CDKN2B-AS1: variants seen among roughly 807,000 people sequenced by gnomAD.
CDKN2B-AS1 encodes CDKN2B antisense RNA 1 (non-protein coding).
At chr9:22,033,511 A>G (rs1822562227) in intron 1 of CDKN2B-AS1, among the ~76,000 whole-genome samples, 1 of 152,200 alleles carries the variant, frequency 6.6e-6, no homozygotes, top group South Asian at 2.1e-4. Flanking sequence ...CTTACCCTGA[A>G]ACCTGCCACT....
intron 1 of CDKN2B-AS1, among the ~76,000 whole-genome samples, chr9:22,045,988 A>T (rs763795417): frequency 6.6e-6 from 1 of 152,132 alleles, no homozygotes. Flanking sequence ...ATAGGCAGAA[A>T]TTTTGTTTGC....
exon 5 of CDKN2B-AS1, among the ~76,000 whole-genome samples, chr9:22,127,645 G>T (rs1554682390): frequency 6.6e-6 from 1 of 152,138 alleles, no homozygotes; most frequent in Non-Finnish European, 1.5e-5. Flanking sequence ...TCTGGGCGGG[G>T]TAAAAGGAAG....
At chr9:22,127,786 AG>A (rs1481746160) in exon 5 of CDKN2B-AS1, among the ~76,000 whole-genome samples, 4 of 152,238 alleles carry the variant, frequency 2.6e-5, no homozygotes, top group African/African-American at 2.4e-5. Context: ...CTCTAATTGT[AG>A]AACTCACTTC....
intron 3 of CDKN2B-AS1, among the ~76,000 whole-genome samples, chr9:22,055,867 A>G (rs1490674399): frequency 6.6e-6 from 1 of 152,126 alleles, no homozygotes; most frequent in African/African-American, 2.4e-5. Flanking sequence ...CTATATTGGC[A>G]TATAGGGAGG....
intron 4 of CDKN2B-AS1, among the ~76,000 whole-genome samples, chr9:22,106,437 G>C (rs1409580979): frequency 6.6e-6 from 1 of 152,100 alleles, no homozygotes; most frequent in Non-Finnish European, 1.5e-5. Flanking sequence ...GGCTGGTCTG[G>C]AACTCCTGAC....
rs908307716 is a variant in CDKN2B-AS1 at position 22,112,066 on chromosome 9, T to C, written n.439-15037T>C. The C allele has an allele frequency of 5.9e-5, 9 of 152,128 alleles. No individual in the cohort carries two copies. In the South Asian group the frequency reaches 1.4e-3, roughly 25 times the overall value. The allele number at this position is 152,128 out of a possible 1,614,324, so 9.4% of individuals were successfully genotyped here. A position where few individuals can be genotyped will look rare whatever the true frequency, so the allele number is the denominator to read the frequency against. ...ATTTTCAAAGGAAAACAAAGTAAAA[T>C]TTTTCTCTTGTATGAGTCACATCTC... On this transcript the variant is annotated intron_variant and non_coding_transcript_variant, in intron 4 of 4. Transcript: ENST00000650946.
rs1378792488 is a variant in CDKN2B-AS1, at chr9:22,090,935, TC to T, written n.438+34549del. The stretch of plus-strand genomic sequence containing the variant: ...GTCCTGAATGGTATTGCCTAGGTTT[TC>T]TTCTAGGGTTTTTATGGTTTTAGGT... On this transcript the variant is annotated intron_variant and non_coding_transcript_variant, in intron 4 of 4. Transcript: ENST00000650946. 6.6e-5 allele frequency among the ~76,000 whole-genome samples: 10 copies of T among 152,260 alleles called. No homozygotes were observed. In the South Asian group the frequency reaches 1.9e-3, roughly 28 times the overall value.
Position 22,017,378 on chromosome 9 carries a change from A to G in CDKN2B-AS1, n.29+22217A>G, listed in dbSNP as rs964053857. Among the ~76,000 whole-genome samples the G allele has an allele frequency of 5.3e-5, 8 of 152,116 alleles. No individual in the cohort carries two copies. In the East Asian group the frequency reaches 1.5e-3, roughly 29 times the overall value. ...GGAAGTCTGCCTATATGGGTTATCT[A>G]CCTCTTTTTTAGGGCTCAACCTACC... On this transcript the variant is annotated intron_variant and non_coding_transcript_variant, in intron 1 of 4. Coordinates refer to ENST00000650946, the Ensembl canonical transcript of CDKN2B-AS1.
chr9:22,073,315 A>C (rs1028348375), intron 4 of CDKN2B-AS1, among the ~76,000 whole-genome samples: 3 of 152,194 alleles, frequency 2.0e-5, no homozygotes, highest in African/African-American at 4.8e-5. Flanking sequence ...CACGATTCAA[A>C]AAGATTATCT....
chr9:22,073,867 AT>A (rs567089131), intron 4 of CDKN2B-AS1, among the ~76,000 whole-genome samples: 669 of 144,776 alleles, frequency 4.6e-3, no homozygotes, highest in African/African-American at 8.2e-3. Flanking sequence ...TACCTAGATA[AT>A]TTTTTTTTTT....
chr9:22,111,652 T>A (rs1188147400), intron 4 of CDKN2B-AS1, among the ~76,000 whole-genome samples: 1 of 152,114 alleles, frequency 6.6e-6, no homozygotes, highest in Non-Finnish European at 1.5e-5. Flanking sequence ...TGAAATAGAT[T>A]TTTTTTCTCT....
intron 1 of CDKN2B-AS1, among the ~76,000 whole-genome samples, chr9:22,028,233 A>G (rs1304242851): frequency 6.6e-6 from 1 of 152,082 alleles, no homozygotes; most frequent in Non-Finnish European, 1.5e-5. Flanking sequence ...TATTTAAAAT[A>G]TTTTTTGTTA....
chr9:22,104,017 C>A (rs1297547994), intron 4 of CDKN2B-AS1, among the ~76,000 whole-genome samples: 2 of 152,160 alleles, frequency 1.3e-5, no homozygotes, highest in Non-Finnish European at 2.9e-5. Context: ...GTAGAATCTT[C>A]TCATCTTTCT....
At chr9:22,096,708 C>T (rs374454649) in intron 4 of CDKN2B-AS1, among the ~76,000 whole-genome samples, 1 of 152,174 alleles carries the variant, frequency 6.6e-6, no homozygotes, top group African/African-American at 2.4e-5. Flanking sequence ...ACTGGCATTC[C>T]ATCTCCAATC....
chr9:22,055,197 T>C (rs1487665118), intron 3 of CDKN2B-AS1, among the ~76,000 whole-genome samples: 1 of 152,254 alleles, frequency 6.6e-6, no homozygotes, highest in Non-Finnish European at 1.5e-5. Context: ...AATGTTTTGA[T>C]ATATGTATAC....
chr9:22,059,935 A>C (rs1160795763), intron 4 of CDKN2B-AS1, among the ~76,000 whole-genome samples: 1 of 152,228 alleles, frequency 6.6e-6, no homozygotes, highest in Non-Finnish European at 1.5e-5. Flanking sequence ...CAGCTGGAGC[A>C]GCTGGGACAC....
At chr9:22,071,000 G>T (rs1022318138) in intron 4 of CDKN2B-AS1, among the ~76,000 whole-genome samples, 2 of 152,054 alleles carry the variant, frequency 1.3e-5, no homozygotes, top group Non-Finnish European at 2.9e-5. Flanking sequence ...ACCAATGGGG[G>T]AAGATTAGGT....
chr9:22,094,929 C>T (rs978755212), intron 4 of CDKN2B-AS1, among the ~76,000 whole-genome samples: 1 of 144,178 alleles, frequency 6.9e-6, no homozygotes, highest in South Asian at 2.1e-4. Flanking sequence ...CTGTTTTTTC[C>T]CATCTTTGTG....
chr9:22,025,250 G>C (rs888978826), intron 1 of CDKN2B-AS1, among the ~76,000 whole-genome samples: 1 of 152,224 alleles, frequency 6.6e-6, no homozygotes, highest in African/African-American at 2.4e-5. Flanking sequence ...TCTCTGTCTG[G>C]TGACGAGCAG....
Sources: allele counts gnomAD v4.1 joint callset (sites outside exome capture counted in the v4.1 genomes callset), GRCh38; gene constraint gnomAD v4.1.1; transcripts MANE v1.5; gene names NCBI Gene and HGNC (gene_info 2026-07-23, HGNC 2026-07-21).